The following MYO7A variants were observed in gnomAD, a reference collection of about 807,000 sequenced individuals.
The protein encoded by MYO7A is myosin VIIA.
A neutral mutation model predicts 263.8 loss-of-function variants in MYO7A; 210 were observed. That is an observed-to-expected ratio of 0.80 (90% CI 0.71 to 0.89). The LOEUF is 0.89. Among genes scored for constraint, MYO7A ranks in the 40% least tolerant of loss-of-function variants. The pLI, the probability that MYO7A is intolerant of heterozygous loss-of-function variation, is 0.00. For synonymous variants in MYO7A, 1,239 were observed against 1,197.3 expected (o/e 1.03, Z -0.72); for missense variants, 2,820 against 2,968.3 (o/e 0.95, Z 1.16).
At position 77,155,457 on chromosome 11, in the gene MYO7A, C is replaced by G. The variant is rs563792004; in HGVS notation, c.286-450C>G. 1.3e-3 allele frequency among the ~76,000 whole-genome samples: 202 copies of G among 152,334 alleles called. 2 individuals are homozygous for G. Among genetic ancestry groups the G allele is most frequent in the African/African-American group, 4.5e-3 (188 of 41,582 alleles). On this transcript the variant is annotated intron_variant, in intron 4 of 48. Transcript: ENST00000409709. ...TGGCTAATTTCTCACGCCCCTCTTCCTCACCAACCTGGCCTCCCTCTGGAC... is the reference window on the plus strand; with the variant it reads ...TGGCTAATTTCTCACGCCCCTCTTCGTCACCAACCTGGCCTCCCTCTGGAC...
At position 77,166,110 on chromosome 11, in the gene MYO7A, A is replaced by C. The variant is rs1555072367; in HGVS notation, c.1745A>C (p.His582Pro). Residue 582 changes from histidine to proline, a missense_variant, in exon 15 of 49, where the codon CAC becomes CCC. Coordinates refer to ENST00000409709, the MANE Select transcript of MYO7A (RefSeq NM_000260.4). The stretch of plus-strand genomic sequence containing the variant: ...CATGGGGACATTATCCAGCTGGTCC[A>C]CTCCTCCAGGAACAAGTTCATCAAG... ...TLHGDIIQLV[H>P]SSRNKFIKQI... 6.2e-7 allele frequency: 1 copy of C among 1,613,380 alleles called. No homozygotes were observed. Among genetic ancestry groups the C allele is most frequent in the South Asian group, 1.1e-5 (1 of 91,012 alleles).
chr11:77,149,541 C>T (rs1254174025), intron 4 of MYO7A, among the ~76,000 whole-genome samples: 1 of 152,158 alleles, frequency 6.6e-6, no homozygotes, highest in Non-Finnish European at 1.5e-5. Flanking sequence ...CTCAGGGAGC[C>T]CCAGGTGTTG....
At chr11:77,180,307 C>A in intron 21 of MYO7A, 67 bp from the exon 22 acceptor site, 2 of 1,399,994 alleles carry the variant, frequency 1.4e-6, no homozygotes, top group Non-Finnish European at 2.0e-6. Flanking sequence ...GTGGGTGGAG[C>A]TGGTGGGAAT....
Position 77,192,994 on chromosome 11 carries a change from A to G in MYO7A, c.4152+716A>G, listed in dbSNP as rs7945429. Reference sequence around the variant, plus strand: ...TGGAGGTAGTTGTGATGGTGGAGGTAGTGATGCTGTTGGTGATGGTGGAGG... The same window carrying G: ...TGGAGGTAGTTGTGATGGTGGAGGTGGTGATGCTGTTGGTGATGGTGGAGG... On this transcript the variant is annotated intron_variant, in intron 31 of 48. Coordinates refer to ENST00000409709, the MANE Select transcript of MYO7A (RefSeq NM_000260.4). Among the ~76,000 whole-genome samples the G allele has an allele frequency of 4.0e-3, 319 of 80,034 alleles. 65 individuals carry two copies. The highest frequency in any genetic ancestry group is 0.032 in the African/African-American group (294 of 9,134). The allele number at this position is 80,034 out of a possible 152,430, so 52.5% of individuals were successfully genotyped here.
chr11:77,163,133 A>C, intron 14 of MYO7A, 145 bp downstream of exon 14: 1 of 884,808 alleles, frequency 1.1e-6, no homozygotes. Context: ...CTTGACTAAA[A>C]TGGCCAAGTG....
intron 22 of MYO7A, 58 bp from the exon 23 acceptor site, chr11:77,181,322 C>A (rs3740762): frequency 1.9e-5 from 28 of 1,468,684 alleles, no homozygotes; most frequent in South Asian, 6.5e-5. Flanking sequence ...AGCTTGTTCC[C>A]TGAGGCTGTG....
intron 41 of MYO7A, chr11:77,206,912 C>T (rs997235561): frequency 1.1e-5 from 2 of 177,256 alleles, no homozygotes; most frequent in African/African-American, 4.7e-5. Flanking sequence ...TCAAACCCTC[C>T]CATCTGTCCG....
chr11:77,171,182 C>G (rs1483521969), intron 15 of MYO7A, among the ~76,000 whole-genome samples: 1 of 152,176 alleles, frequency 6.6e-6, no homozygotes, highest in Non-Finnish European at 1.5e-5. Context: ...CGTGTGTGTA[C>G]ACGCGGTGGT....
rs1234519268 is a variant in MYO7A at position 77,201,595 on chromosome 11, T to C, written c.5000T>C (p.Val1667Ala). The C allele has an allele frequency of 1.2e-6, 2 of 1,613,856 alleles. No individual in the cohort carries two copies. Among genetic ancestry groups the C allele is most frequent in the South Asian group, 1.1e-5 (1 of 91,070 alleles). ...KQRGDFPTDS[V>A]YVMPTVTMPP... ...CGTGGGGACTTCCCCACCGACAGTGTGTACGTCATGCCCACTGTCACCATG... is the reference window on the plus strand; with the variant it reads ...CGTGGGGACTTCCCCACCGACAGTGCGTACGTCATGCCCACTGTCACCATG... Residue 1667 changes from valine (V) to alanine (A), a missense_variant, in exon 36 of 49, where the codon GTG (valine) becomes GCG (alanine). Val to Ala is a moderately conservative substitution (Grantham distance 64). Transcript: ENST00000409709.
chr11:77,175,982 GGGAGTCGC>G (rs1230483525), intron 18 of MYO7A, among the ~76,000 whole-genome samples: 2 of 152,242 alleles, frequency 1.3e-5, no homozygotes, highest in African/African-American at 4.8e-5. Context: ...CAAGGCCTGC[GGGAGTCGC>G]GGAGTCACAG....
chr11:77,164,772 A>C (rs1407923125), intron 14 of MYO7A, among the ~76,000 whole-genome samples: 1 of 152,236 alleles, frequency 6.6e-6, no homozygotes, highest in Admixed American at 6.5e-5. Flanking sequence ...AATAATCTCT[A>C]TGCTGAGTTG....
Position 77,205,730 on chromosome 11 carries a change from T to TG in MYO7A, c.5636+117dup, listed in dbSNP as rs1317449023. 7.8e-6 allele frequency: 11 copies of TG among 1,404,874 alleles called. No individual in the cohort carries two copies. The African/African-American group carries it at 9.9e-5, about 13-fold the overall frequency. The allele number at this position is 1,404,874 out of a possible 1,614,324, so 87.0% of individuals were successfully genotyped here. On this transcript the variant is annotated intron_variant, in intron 40 of 48. Transcript: ENST00000409709. ...ACCACATAGCAGTTGGGCCCACCCC[T>TG]GGGGTACCTCAACTGCCAGCTAGAC...
At chr11:77,143,290 C>A (rs1372730634) in intron 3 of MYO7A, among the ~76,000 whole-genome samples, 1 of 152,242 alleles carries the variant, frequency 6.6e-6, no homozygotes, top group Non-Finnish European at 1.5e-5. Context: ...TGAGATCACA[C>A]GTGCAGAACA....
intron 10 of MYO7A, 21 bp downstream of exon 10, chr11:77,159,544 C>T: frequency 1.2e-6 from 2 of 1,608,724 alleles, no homozygotes; most frequent in Non-Finnish European, 1.7e-6. Context: ...GGCCTCTCTC[C>T]CCTCCATGAC....
At chr11:77,166,512 G>T (rs544587039) in intron 15 of MYO7A, among the ~76,000 whole-genome samples, 27 of 152,160 alleles carry the variant, frequency 1.8e-4, no homozygotes, top group Non-Finnish European at 3.7e-4. Flanking sequence ...TGAAGGATGT[G>T]GGGTGGGTGT....
intron 16 of MYO7A, among the ~76,000 whole-genome samples, chr11:77,174,544 C>A (rs1215246280): frequency 1.3e-5 from 2 of 152,242 alleles, no homozygotes; most frequent in African/African-American, 4.8e-5. Flanking sequence ...CTTCTCTGTG[C>A]TCCCAAAGCA....
At chr11:77,197,399 G>A in intron 32 of MYO7A, 82 bp from the exon 33 acceptor site, 1 of 1,117,402 alleles carries the variant, frequency 8.9e-7, no homozygotes, top group Non-Finnish European at 1.3e-6. Context: ...GCTGCTCCTG[G>A]CTAGAAGGCA....
rs548381600 is a variant in MYO7A at position 77,146,377 on chromosome 11, C to T, written c.133-1421C>T. Among the ~76,000 whole-genome samples, 3 of 152,202 alleles carry T rather than the reference C, an allele frequency of 2.0e-5. No individual in the cohort carries two copies. The East Asian group carries it at 5.8e-4, about 29-fold the overall frequency. Reference sequence around the variant, plus strand: ...TCAGGAGGGTGCCTCAGGAAAGGCCCAGGGGACGAGGGATTTGATGGAAGA... The same window carrying T: ...TCAGGAGGGTGCCTCAGGAAAGGCCTAGGGGACGAGGGATTTGATGGAAGA... On this transcript the variant is annotated intron_variant, in intron 3 of 48. Coordinates refer to ENST00000409709, the MANE Select transcript of MYO7A (RefSeq NM_000260.4).
chr11:77,192,979 T>TGCTGTTG (rs1565442798), intron 31 of MYO7A, among the ~76,000 whole-genome samples: 8 of 12,840 alleles, frequency 6.2e-4, no homozygotes, highest in African/African-American at 2.1e-3. Context: ...TGGAGGTAGT[T>TGCTGTTG]GTGATGGTGG....
Sources: gnomAD v4.1 joint callset for allele counts (sites outside exome capture counted in the v4.1 genomes callset) on GRCh38, gnomAD v4.1.1 for gene constraint, MANE v1.5 for transcripts, NCBI Gene and HGNC (gene_info 2026-07-23, HGNC 2026-07-21) for gene names.